The following GALNT13 variants were observed in gnomAD, a reference collection of about 807,000 sequenced individuals.
GALNT13 encodes UDP-GalNAc:polypeptide N-acetylgalactosaminyltransferase 13.
Under a neutral mutation model 64.2 loss-of-function variants are expected in GALNT13, and 28 were observed. The observed-to-expected ratio is 0.44, with a 90% CI of 0.32 to 0.60. The LOEUF (loss-of-function observed/expected upper bound fraction) is 0.60. Among genes scored for constraint, GALNT13 ranks in the 20% least tolerant of loss-of-function variants. The pLI, the probability that GALNT13 is intolerant of heterozygous loss-of-function variation, is 0.05. For synonymous variants in GALNT13, 214 were observed against 224.6 expected (o/e 0.95, Z 0.42); for missense variants, 577 against 669.8 (o/e 0.86, Z 1.53).
the GALNT13 span, among the ~76,000 whole-genome samples, chr2:153,306,578 G>T: frequency 3.9e-5 from 6 of 152,122 alleles, no homozygotes; most frequent in East Asian, 1.2e-3. Flanking sequence ...AATGCTAAAG[G>T]CAAGTCTGAA....
intron 4 of GALNT13, among the ~76,000 whole-genome samples, chr2:154,198,538 G>C (rs1385037126): frequency 6.6e-6 from 1 of 151,752 alleles, no homozygotes; most frequent in African/African-American, 2.4e-5. Context: ...TACCATCCTG[G>C]AACAGAAAAT....
intron 3 of GALNT13, among the ~76,000 whole-genome samples, chr2:153,990,925 G>A (rs547379422): frequency 2.6e-5 from 4 of 152,272 alleles, no homozygotes; most frequent in African/African-American, 9.6e-5. Flanking sequence ...TACTCTCTAG[G>A]AAGAAGAAAA....
At chr2:153,786,016 T>A in the GALNT13 span, among the ~76,000 whole-genome samples, 266 of 151,664 alleles carry the variant, frequency 1.8e-3, 3 homozygotes, top group South Asian at 0.015. Flanking sequence ...GCAGTGCGGA[T>A]GCTCCACCTC....
chr2:153,709,853 G>A, the GALNT13 span, among the ~76,000 whole-genome samples: 1 of 151,958 alleles, frequency 6.6e-6, no homozygotes, highest in Admixed American at 6.6e-5. Context: ...GAACCTGGAG[G>A]ACAGTATGCT....
chr2:154,241,991 A>T (rs959224626), intron 4 of GALNT13, 39 bp from the exon 5 acceptor site: 1 of 1,342,504 alleles, frequency 7.4e-7, no homozygotes, highest in Admixed American at 2.2e-5. Flanking sequence ...AGGATAAAAA[A>T]TGCATTTATT....
intron 3 of GALNT13, among the ~76,000 whole-genome samples, chr2:154,021,564 TTTGCTGAAG>T (rs1473248495): frequency 6.6e-6 from 1 of 152,080 alleles, no homozygotes; most frequent in Admixed American, 6.6e-5. Context: ...ATCCTGAGAC[TTTGCTGAAG>T]TTGCTTATCA....
chr2:153,677,617 A>G, the GALNT13 span, among the ~76,000 whole-genome samples: 2 of 152,156 alleles, frequency 1.3e-5, no homozygotes, highest in Non-Finnish European at 2.9e-5. Context: ...TCCTAAGCCA[A>G]TGGATGAAGC....
chr2:153,612,825 A>G, the GALNT13 span, among the ~76,000 whole-genome samples: 2 of 152,176 alleles, frequency 1.3e-5, no homozygotes, highest in African/African-American at 4.8e-5. Flanking sequence ...GATGACATTA[A>G]TACTTTTCAT....
intron 9 of GALNT13, among the ~76,000 whole-genome samples, chr2:154,332,556 C>A (rs369780445): frequency 6.6e-6 from 1 of 152,158 alleles, no homozygotes; most frequent in East Asian, 1.9e-4. Flanking sequence ...TGTCTACACA[C>A]TGAATGCTGA....
At chr2:154,418,085 T>C (rs990429186) in intron 11 of GALNT13, among the ~76,000 whole-genome samples, 1 of 152,184 alleles carries the variant, frequency 6.6e-6, no homozygotes, top group Non-Finnish European at 1.5e-5. Context: ...TGTTTTTCTT[T>C]TTAAAAAATC....
intron 9 of GALNT13, among the ~76,000 whole-genome samples, chr2:154,335,399 G>A (rs1334896464): frequency 1.3e-5 from 2 of 151,918 alleles, no homozygotes; most frequent in Non-Finnish European, 2.9e-5. Context: ...TTATTACAAA[G>A]GCATTGCAGT....
chr2:154,202,765 A>G (rs1490376854), intron 4 of GALNT13, among the ~76,000 whole-genome samples: 21 of 152,144 alleles, frequency 1.4e-4, no homozygotes, highest in Admixed American at 1.2e-3. Context: ...CTAAAATCAT[A>G]TACTTCAGCA....
intron 3 of GALNT13, among the ~76,000 whole-genome samples, chr2:154,068,253 C>A (rs1700567025): frequency 6.6e-6 from 1 of 151,882 alleles, no homozygotes. Context: ...AGCCCTCATA[C>A]CCTGTTGGTC....
the GALNT13 span, among the ~76,000 whole-genome samples, chr2:153,277,370 G>T: frequency 6.6e-6 from 1 of 152,054 alleles, no homozygotes; most frequent in African/African-American, 2.4e-5. Flanking sequence ...CTATTTTGTT[G>T]CAAAGTACAT....
intron 9 of GALNT13, among the ~76,000 whole-genome samples, chr2:154,373,570 A>C (rs188861370): frequency 1.1e-4 from 16 of 152,306 alleles, no homozygotes; most frequent in Non-Finnish European, 1.9e-4. Context: ...TAGAACAGAC[A>C]ACTTCATCAC....
At chr2:153,277,103 AT>A in the GALNT13 span, among the ~76,000 whole-genome samples, 1 of 152,150 alleles carries the variant, frequency 6.6e-6, no homozygotes, top group Non-Finnish European at 1.5e-5. Context: ...GGTATGGTAT[AT>A]GGGTATATTG....
At chr2:153,747,414 T>A in the GALNT13 span, among the ~76,000 whole-genome samples, 9 of 145,576 alleles carry the variant, frequency 6.2e-5, no homozygotes, top group African/African-American at 1.8e-4. Context: ...TCTCCAAAAG[T>A]GCCTTTGGTT....
At chr2:153,997,206 G>A (rs1695579087) in intron 3 of GALNT13, among the ~76,000 whole-genome samples, 1 of 152,032 alleles carries the variant, frequency 6.6e-6, no homozygotes, top group African/African-American at 2.4e-5. Context: ...TTTTTTGAAT[G>A]AATGCCATTG....
the GALNT13 span, among the ~76,000 whole-genome samples, chr2:153,753,571 T>C: frequency 6.6e-6 from 1 of 152,174 alleles, no homozygotes; most frequent in Non-Finnish European, 1.5e-5. Context: ...CTTGTTTTCT[T>C]CCCTTAGTTT....
Sources: gnomAD v4.1 joint callset for allele counts (sites outside exome capture counted in the v4.1 genomes callset) on GRCh38, gnomAD v4.1.1 for gene constraint, MANE v1.5 for transcripts, NCBI Gene and HGNC (gene_info 2026-07-23, HGNC 2026-07-21) for gene names.